The following GPC6 variants were observed in gnomAD, a reference collection of about 807,000 sequenced individuals.
GPC6 encodes glypican 6.
GPC6 carries 14 observed loss-of-function variants against 55.2 expected under a neutral mutation model. The observed-to-expected ratio is 0.25, with a 90% confidence interval of 0.17 to 0.40. The LOEUF is 0.40. Among genes scored for constraint, GPC6 ranks in the 10% least tolerant of loss-of-function variants. The pLI is 1.00. For synonymous variants in GPC6, 278 were observed against 259.6 expected (o/e 1.07, Z -0.68); for missense variants, 641 against 708.5 (o/e 0.90, Z 1.08).
intron 1 of GPC6, among the ~76,000 whole-genome samples, chr13:93,322,043 A>G (rs1351717092): frequency 6.6e-6 from 1 of 152,194 alleles, no homozygotes; most frequent in Non-Finnish European, 1.5e-5. Flanking sequence ...AGCTAAATTA[A>G]TTTATACAAT....
At chr13:93,921,155 C>G (rs778101100) in intron 3 of GPC6, among the ~76,000 whole-genome samples, 1 of 152,092 alleles carries the variant, frequency 6.6e-6, no homozygotes, top group Non-Finnish European at 1.5e-5. Context: ...GTTTCCTGAC[C>G]CCCCTTACAG....
chr13:94,004,523 C>A (rs1881934570), intron 3 of GPC6, among the ~76,000 whole-genome samples: 1 of 152,066 alleles, frequency 6.6e-6, no homozygotes, highest in South Asian at 2.1e-4. Context: ...TGAACTTAAT[C>A]CTTTTTATAT....
At chr13:93,259,422 T>C (rs1877062265) in intron 1 of GPC6, among the ~76,000 whole-genome samples, 1 of 152,182 alleles carries the variant, frequency 6.6e-6, no homozygotes, top group African/African-American at 2.4e-5. Flanking sequence ...AGAAGCTTCC[T>C]AGTAATAGGC....
intron 3 of GPC6, among the ~76,000 whole-genome samples, chr13:93,992,179 A>G (rs4773768): frequency 0.022 from 3,154 of 145,010 alleles, 48 homozygotes; most frequent in Middle Eastern, 0.046. Flanking sequence ...ATATGTGTGT[A>G]TATATATATA....
intron 2 of GPC6, among the ~76,000 whole-genome samples, chr13:93,546,272 T>C (rs1874783016): frequency 6.6e-6 from 1 of 152,238 alleles, no homozygotes; most frequent in Non-Finnish European, 1.5e-5. Flanking sequence ...AGAGCTGCTA[T>C]TAATTTTCTT....
At chr13:93,644,747 A>T (rs1880100048) in intron 2 of GPC6, among the ~76,000 whole-genome samples, 1 of 149,470 alleles carries the variant, frequency 6.7e-6, no homozygotes, top group Non-Finnish European at 1.5e-5. Flanking sequence ...GTCAACATAG[A>T]TTACTGTTGC....
chr13:94,034,206 AAGGAAGGAAG>A (rs1883248629), intron 4 of GPC6, among the ~76,000 whole-genome samples: 1 of 129,544 alleles, frequency 7.7e-6, no homozygotes, highest in Admixed American at 7.4e-5. Context: ...AGAAAGAAGG[AAGGAAGGAAG>A]GAAGGAAGGA....
intron 2 of GPC6, among the ~76,000 whole-genome samples, chr13:93,658,771 A>G (rs1488195583): frequency 6.6e-6 from 1 of 151,670 alleles, no homozygotes; most frequent in East Asian, 1.9e-4. Flanking sequence ...AAAAACATTA[A>G]TTTTGCTAAT....
chr13:94,172,564 A>G (rs1888610328), intron 4 of GPC6, among the ~76,000 whole-genome samples: 1 of 152,206 alleles, frequency 6.6e-6, no homozygotes, highest in Non-Finnish European at 1.5e-5. Flanking sequence ...AGCCATACTT[A>G]TTCATTAACA....
intron 1 of GPC6, among the ~76,000 whole-genome samples, chr13:93,364,225 G>C (rs1286884489): frequency 1.3e-5 from 2 of 151,900 alleles, no homozygotes; most frequent in Admixed American, 6.6e-5. Flanking sequence ...CTGTGTCTTA[G>C]TAAATATAAG....
At chr13:93,613,549 AC>A (rs1878585289) in intron 2 of GPC6, among the ~76,000 whole-genome samples, 1 of 151,728 alleles carries the variant, frequency 6.6e-6, no homozygotes, top group South Asian at 2.1e-4. Flanking sequence ...ACACACACAC[AC>A]ACACACACAC....
At chr13:93,297,040 C>T (rs1469389152) in intron 1 of GPC6, among the ~76,000 whole-genome samples, 1 of 152,056 alleles carries the variant, frequency 6.6e-6, no homozygotes, top group Non-Finnish European at 1.5e-5. Flanking sequence ...GACAGTGAGC[C>T]CCTGTCCTTC....
intron 4 of GPC6, among the ~76,000 whole-genome samples, chr13:94,093,111 A>T (rs1275989061): frequency 4.6e-5 from 7 of 152,062 alleles, no homozygotes. Context: ...GAAAGTCTTT[A>T]GTGTGATGTA....
At chr13:94,020,301 TCTGTTA>T (rs1443114486) in intron 3 of GPC6, among the ~76,000 whole-genome samples, 1 of 152,218 alleles carries the variant, frequency 6.6e-6, no homozygotes, top group African/African-American at 2.4e-5. Flanking sequence ...CAGTTTTCCC[TCTGTTA>T]CTGATTTCTA....
chr13:94,249,241 C>T (rs994624884), intron 4 of GPC6, among the ~76,000 whole-genome samples: 2 of 152,092 alleles, frequency 1.3e-5, no homozygotes, highest in African/African-American at 4.8e-5. Context: ...CGATTTGATC[C>T]CATACCCTGC....
At chr13:93,340,123 C>A (rs956419669) in intron 1 of GPC6, among the ~76,000 whole-genome samples, 5 of 147,260 alleles carry the variant, frequency 3.4e-5, no homozygotes, top group African/African-American at 1.3e-4. Flanking sequence ...GCAAGCTCCG[C>A]TGCCAGGTTC....
intron 4 of GPC6, among the ~76,000 whole-genome samples, chr13:94,040,047 A>G (rs1208251274): frequency 2.6e-5 from 4 of 152,022 alleles, no homozygotes; most frequent in Non-Finnish European, 5.9e-5. Flanking sequence ...TATCATACAT[A>G]TTGACATTTC....
At position 93,896,826 on chromosome 13, in the gene GPC6, G is replaced by A. The variant is rs981435446; in HGVS notation, c.711+66281G>A. ...TCAACAGAAAAACTGAGAATTTTCC[G>A]TGAATCCTGGAAACACCAAGAGAAA... On this transcript the variant is annotated intron_variant, in intron 3 of 8. Coordinates refer to ENST00000377047, the MANE Select transcript of GPC6 (RefSeq NM_005708.5). Among the ~76,000 whole-genome samples, 3 of 151,866 alleles carry A rather than the reference G, an allele frequency of 2.0e-5. 1 individual carries two copies. The highest frequency in any genetic ancestry group is 4.2e-4 in the South Asian group (2 of 4,818).
At chr13:93,919,125 T>G (rs916555130) in intron 3 of GPC6, among the ~76,000 whole-genome samples, 3 of 152,160 alleles carry the variant, frequency 2.0e-5, no homozygotes, top group East Asian at 1.9e-4. Flanking sequence ...TCCCTCTCTC[T>G]CTTGCCCCTG....
Sources: gnomAD v4.1 joint callset for allele counts (sites outside exome capture counted in the v4.1 genomes callset) on GRCh38, gnomAD v4.1.1 for gene constraint, MANE v1.5 for transcripts, NCBI Gene and HGNC (gene_info 2026-07-23, HGNC 2026-07-21) for gene names.